Variants in ZNF407 observed in about 807,000 individuals in gnomAD.
ZNF407 encodes zinc finger protein 407.
ZNF407 carries 17 observed loss-of-function variants against 131.2 expected under a neutral mutation model. That is an observed-to-expected ratio of 0.13 (90% CI 0.09 to 0.19). The LOEUF is 0.19. Ranked by LOEUF, ZNF407 falls within the 10% of genes least tolerant of loss-of-function variation. The probability of loss-of-function intolerance (pLI) is 1.00; values close to 1 mark genes in which losing one functional copy is unlikely to be tolerated. For missense variants in ZNF407, 2,681 were observed against 2,830.6 expected (o/e 0.95, Z 1.20); for synonymous variants, 1,156 against 1,062.0 (o/e 1.09, Z -1.72).
chr18:74,706,150 G>A (rs1017524429), intron 3 of ZNF407, among the ~76,000 whole-genome samples: 2 of 152,130 alleles, frequency 1.3e-5, no homozygotes, highest in South Asian at 4.1e-4. Context: ...AATGAATTAT[G>A]CAAAAATGAG....
At chr18:74,781,609 GT>G (rs1407137232) in intron 4 of ZNF407, 107 bp downstream of exon 4, 1 of 742,652 alleles carries the variant, frequency 1.3e-6, no homozygotes, top group Non-Finnish European at 2.0e-6. Flanking sequence ...AGTTAATCAT[GT>G]TTCTATTTGT....
chr18:74,606,545 G>T (rs1982816583), intron 1 of ZNF407, among the ~76,000 whole-genome samples: 1 of 152,092 alleles, frequency 6.6e-6, no homozygotes, highest in South Asian at 2.1e-4. Context: ...ACCCAGCCTA[G>T]ATCTAAACAT....
At chr18:74,638,156 G>A (rs145177221) in intron 2 of ZNF407, among the ~76,000 whole-genome samples, 15 of 152,288 alleles carry the variant, frequency 9.8e-5, no homozygotes, top group African/African-American at 2.4e-4. Context: ...AGGGAGATAC[G>A]GAGTGTGTGA....
At chr18:74,828,013 C>A (rs953659973) in intron 4 of ZNF407, among the ~76,000 whole-genome samples, 8 of 152,108 alleles carry the variant, frequency 5.3e-5, no homozygotes, top group Non-Finnish European at 7.3e-5. Flanking sequence ...CTGGTGCTGC[C>A]GGTCTGCCTC....
At chr18:74,741,663 T>A (rs1408550029) in intron 3 of ZNF407, among the ~76,000 whole-genome samples, 1 of 152,176 alleles carries the variant, frequency 6.6e-6, no homozygotes, top group African/African-American at 2.4e-5. Context: ...TATATATATA[T>A]TTTTCATGCC....
chr18:74,988,446 C>A (rs1972678819), intron 8 of ZNF407, among the ~76,000 whole-genome samples: 2 of 150,818 alleles, frequency 1.3e-5, no homozygotes, highest in Admixed American at 1.3e-4. Flanking sequence ...TCAAAAGATA[C>A]TGTTAAGAAA....
intron 8 of ZNF407, among the ~76,000 whole-genome samples, chr18:75,058,867 T>C (rs1376223933): frequency 1.3e-5 from 2 of 152,246 alleles, no homozygotes; most frequent in Non-Finnish European, 2.9e-5. Flanking sequence ...AGCTCAACAT[T>C]AATTCATCAT....
intron 3 of ZNF407, among the ~76,000 whole-genome samples, chr18:74,699,896 A>G (rs1967451358): frequency 1.3e-5 from 2 of 152,148 alleles, no homozygotes; most frequent in South Asian, 2.1e-4. Flanking sequence ...TTCTCTGGAG[A>G]CAAAATTATA....
At chr18:74,679,035 A>G (rs1450202216) in intron 3 of ZNF407, among the ~76,000 whole-genome samples, 3 of 151,924 alleles carry the variant, frequency 2.0e-5, no homozygotes, top group Non-Finnish European at 2.9e-5. Context: ...TGATGGGTAG[A>G]GTAGGAGATG....
intron 4 of ZNF407, among the ~76,000 whole-genome samples, chr18:74,809,661 G>A (rs1013372231): frequency 6.6e-6 from 1 of 152,180 alleles, no homozygotes; most frequent in Non-Finnish European, 1.5e-5. Flanking sequence ...TAGGCTTATC[G>A]ATAATACAAA....
intron 4 of ZNF407, among the ~76,000 whole-genome samples, chr18:74,808,077 G>A (rs886994196): frequency 3.3e-5 from 5 of 151,776 alleles, no homozygotes; most frequent in African/African-American, 9.7e-5. Context: ...TCGATGGCGC[G>A]ATCTCGGCAC....
intron 7 of ZNF407, among the ~76,000 whole-genome samples, chr18:74,917,051 G>A (rs567321378): frequency 7.2e-5 from 11 of 152,210 alleles, no homozygotes; most frequent in Admixed American, 2.6e-4. Context: ...ACAACGGCAC[G>A]AGAGTTCTTT....
At chr18:74,825,261 AT>A (rs1970394188) in intron 4 of ZNF407, among the ~76,000 whole-genome samples, 1 of 152,222 alleles carries the variant, frequency 6.6e-6, no homozygotes, top group African/African-American at 2.4e-5. Flanking sequence ...AACTGGAAGC[AT>A]TCCCTTTGTA....
intron 4 of ZNF407, among the ~76,000 whole-genome samples, chr18:74,829,856 G>A (rs909258536): frequency 2.9e-4 from 44 of 151,828 alleles, no homozygotes; most frequent in African/African-American, 6.8e-4. Context: ...TAAAAATTGC[G>A]GTGAATTACA....
intron 8 of ZNF407, among the ~76,000 whole-genome samples, chr18:74,951,690 T>C (rs963019079): frequency 6.6e-5 from 10 of 152,234 alleles, no homozygotes; most frequent in African/African-American, 2.4e-4. Context: ...TCCCTCTTTG[T>C]ATGTAGGTTT....
intron 1 of ZNF407, among the ~76,000 whole-genome samples, chr18:74,629,310 T>C (rs1568319656): frequency 6.6e-6 from 1 of 152,228 alleles, no homozygotes; most frequent in Non-Finnish European, 1.5e-5. Flanking sequence ...TGACTACTGA[T>C]GTAGAGTATC....
intron 8 of ZNF407, among the ~76,000 whole-genome samples, chr18:75,032,226 G>C (rs1973249414): frequency 6.6e-6 from 1 of 152,194 alleles, no homozygotes; most frequent in Non-Finnish European, 1.5e-5. Flanking sequence ...TGCACAATGA[G>C]ACTGCGATCT....
At chr18:74,864,960 A>G (rs1599206126) in intron 4 of ZNF407, among the ~76,000 whole-genome samples, 2 of 152,194 alleles carry the variant, frequency 1.3e-5, no homozygotes, top group African/African-American at 4.8e-5. Flanking sequence ...CTAAGAGAAG[A>G]TTCTTTAATT....
chr18:74,770,313 G>T (rs7235746), intron 3 of ZNF407, among the ~76,000 whole-genome samples: 1 of 151,794 alleles, frequency 6.6e-6, no homozygotes, highest in South Asian at 2.1e-4. Context: ...TGGGAGAATC[G>T]CTTGAGTCTG....
Sources: gnomAD v4.1 joint callset for allele counts (sites outside exome capture counted in the v4.1 genomes callset) on GRCh38, gnomAD v4.1.1 for gene constraint, MANE v1.5 for transcripts, NCBI Gene and HGNC (gene_info 2026-07-23, HGNC 2026-07-21) for gene names.